Variants in SINHCAF observed in about 807,000 individuals in gnomAD.
SINHCAF encodes SIN3-HDAC complex associated factor.
A neutral mutation model predicts 25.8 loss-of-function variants in SINHCAF; 3 were observed. That is an observed-to-expected ratio of 0.12 (90% CI 0.05 to 0.30). SINHCAF has a LOEUF of 0.30. SINHCAF is among the 10% of genes least tolerant of loss of function. The probability of loss-of-function intolerance (pLI) is 1.00; values close to 1 mark genes in which losing one functional copy is unlikely to be tolerated. For missense variants in SINHCAF, 121 were observed against 262.3 expected, an observed-to-expected ratio of 0.46 and a Z score of 3.72; for synonymous variants, 70 against 85.5, an observed-to-expected ratio of 0.82 and a Z score of 1.00.
chr12:31,299,348 A>C (rs1938687728), intron 1 of SINHCAF, among the ~76,000 whole-genome samples: 1 of 151,758 alleles, frequency 6.6e-6, no homozygotes, highest in Non-Finnish European at 1.5e-5. Context: ...ACAGAGTCTC[A>C]CTCTTTCACC....
intron 4 of SINHCAF, among the ~76,000 whole-genome samples, chr12:31,289,412 GAAT>G (rs1938212863): frequency 2.0e-5 from 3 of 152,104 alleles, no homozygotes; most frequent in Admixed American, 1.3e-4. Context: ...AGCAGCCAAA[GAAT>G]AATGACATTA....
At chr12:31,296,990 A>G in intron 2 of SINHCAF, 1 of 441,920 alleles carries the variant, frequency 2.3e-6, no homozygotes, top group Admixed American at 2.4e-5. Flanking sequence ...CACAATGATC[A>G]CACCTGTGAA....
intron 4 of SINHCAF, 128 bp downstream of exon 4, chr12:31,293,677 A>G: frequency 2.8e-6 from 2 of 707,662 alleles, no homozygotes; most frequent in Non-Finnish European, 4.4e-6. Context: ...CTACCAAGTC[A>G]ACGTTGCCTT....
rs1232168593 is a variant in SINHCAF, at chr12:31,293,029, T to C, written c.355+776A>G. ...ACAAAATCTGGCATGACCTAAACTATGACTATAAGCAGACAAACCTGACTA... is the reference window on the plus strand; with the variant it reads ...ACAAAATCTGGCATGACCTAAACTACGACTATAAGCAGACAAACCTGACTA... On this transcript the variant is annotated intron_variant, in intron 4 of 5. Transcript: ENST00000337682. Among the ~76,000 whole-genome samples, 4 of 152,338 alleles carry C rather than the reference T, an allele frequency of 2.6e-5. No homozygotes were observed. The East Asian group carries it at 5.8e-4, about 22-fold the overall frequency.
chr12:31,285,736 G>A (rs989216903), intron 5 of SINHCAF, among the ~76,000 whole-genome samples: 2 of 152,054 alleles, frequency 1.3e-5, no homozygotes, highest in African/African-American at 4.8e-5. Flanking sequence ...AGCACTTTGG[G>A]AGGTCAAGGC....
chr12:31,296,588 G>GC (rs1278786699), intron 2 of SINHCAF, among the ~76,000 whole-genome samples: 1 of 152,074 alleles, frequency 6.6e-6, no homozygotes, highest in Non-Finnish European at 1.5e-5. Context: ...AATGAAAATG[G>GC]CCAGATGAGG....
intron 4 of SINHCAF, among the ~76,000 whole-genome samples, chr12:31,290,413 CA>C (rs1938262251): frequency 6.6e-6 from 1 of 152,130 alleles, no homozygotes; most frequent in Non-Finnish European, 1.5e-5. Flanking sequence ...CCACCACACC[CA>C]GTCAAGAAAA....
chr12:31,299,034 C>A (rs1462690744), intron 1 of SINHCAF, among the ~76,000 whole-genome samples: 2 of 150,200 alleles, frequency 1.3e-5, no homozygotes, highest in East Asian at 3.9e-4. Context: ...TTGCAGTCCT[C>A]CTGTTAAAAA....
chr12:31,298,894 G>A (rs1410225192), intron 1 of SINHCAF, among the ~76,000 whole-genome samples: 1 of 152,124 alleles, frequency 6.6e-6, no homozygotes, highest in African/African-American at 2.4e-5. Flanking sequence ...AAAAAAGAAC[G>A]AGCTCATGTT....
chr12:31,302,962 A>G (rs2137104075), intron 1 of SINHCAF: 1 of 985,364 alleles, frequency 1.0e-6, no homozygotes, highest in African/African-American at 1.7e-5. Context: ...AACTGCAGCC[A>G]TCTTGGCTCA....
chr12:31,304,534 G>A (rs1938947685), intron 1 of SINHCAF: 1 of 152,214 alleles, frequency 6.6e-6, no homozygotes, highest in Admixed American at 6.5e-5. Context: ...TAGACCTGGG[G>A]GCGGTGGGGA....
chr12:31,314,095 T>C (rs7316268), intron 1 of SINHCAF, among the ~76,000 whole-genome samples: 21,272 of 152,114 alleles, frequency 0.14, 1,909 homozygotes, highest in Admixed American at 0.23. Context: ...AAGAGGTTGC[T>C]GCCAGGGTAG....
chr12:31,308,104 C>T (rs2137114618), intron 1 of SINHCAF, among the ~76,000 whole-genome samples: 1 of 152,306 alleles, frequency 6.6e-6, no homozygotes, highest in East Asian at 1.9e-4. Context: ...CCACATCTGG[C>T]TAATTTTTGT....
chr12:31,320,547 T>A (rs543734687), intron 1 of SINHCAF, among the ~76,000 whole-genome samples: 1 of 152,162 alleles, frequency 6.6e-6, no homozygotes, highest in East Asian at 1.9e-4. Context: ...CAGAAACGGG[T>A]AGAATTTGCT....
rs1344875576 is a variant in SINHCAF, at chr12:31,281,696, G to A, written c.*1016C>T. ...TAATCGAGTGTGTTCTCTACCATGCGGTAATGCTTTGGTACTATTCATACA... is the reference window on the plus strand; with the variant it reads ...TAATCGAGTGTGTTCTCTACCATGCAGTAATGCTTTGGTACTATTCATACA... On this transcript the variant is annotated 3_prime_UTR_variant, in exon 6 of 6. Coordinates refer to ENST00000337682, the MANE Select transcript of SINHCAF (RefSeq NM_001135812.2). 3.3e-5 allele frequency: 5 copies of A among 152,134 alleles called. No individual in the cohort carries two copies. The highest frequency in any genetic ancestry group is 6.5e-5 in the Admixed American group (1 of 15,272). 9.4% of individuals were successfully genotyped at this position (152,134 alleles called of 1,614,324 possible).
At chr12:31,323,776 G>A (rs1263989269) in intron 1 of SINHCAF, among the ~76,000 whole-genome samples, 2 of 152,030 alleles carry the variant, frequency 1.3e-5, no homozygotes, top group Non-Finnish European at 2.9e-5. Context: ...TAGGGCAACA[G>A]GGAGCCCCGG....
At chr12:31,307,960 A>AAAC (rs900578077) in intron 1 of SINHCAF, among the ~76,000 whole-genome samples, 2 of 152,068 alleles carry the variant, frequency 1.3e-5, no homozygotes, top group African/African-American at 4.8e-5. Context: ...TTTTAAAAAA[A>AAAC]AACAACAACA....
At chr12:31,283,158 T>A (rs1377422583) in intron 5 of SINHCAF, among the ~76,000 whole-genome samples, 2 of 152,150 alleles carry the variant, frequency 1.3e-5, no homozygotes, top group Non-Finnish European at 2.9e-5. Flanking sequence ...TGTTAACTAT[T>A]TCCTCCAAAA....
At chr12:31,300,498 A>C (rs1938743656) in intron 1 of SINHCAF, among the ~76,000 whole-genome samples, 2 of 152,214 alleles carry the variant, frequency 1.3e-5, no homozygotes, top group Non-Finnish European at 2.9e-5. Flanking sequence ...GATGTCTTTG[A>C]GAGGAAGAAA....
Sources: allele counts gnomAD v4.1 joint callset (sites outside exome capture counted in the v4.1 genomes callset), GRCh38; gene constraint gnomAD v4.1.1; transcripts MANE v1.5; gene names NCBI Gene and HGNC (gene_info 2026-07-23, HGNC 2026-07-21).